Variants in SLC35D4 observed in about 807,000 individuals in gnomAD.
The protein encoded by SLC35D4 is solute carrier family 35 member D4.
the SLC35D4 span, among the ~76,000 whole-genome samples, chr18:23,271,642 C>T: frequency 1.3e-5 from 2 of 152,052 alleles, no homozygotes; most frequent in African/African-American, 4.8e-5. Flanking sequence ...TGAGGTGACT[C>T]TTGGTGGGTC....
the SLC35D4 span, among the ~76,000 whole-genome samples, chr18:23,268,125 G>A: frequency 6.6e-6 from 1 of 152,158 alleles, no homozygotes; most frequent in African/African-American, 2.4e-5. Context: ...ATAATTTGCA[G>A]GAAGTCTCTA....
the SLC35D4 span, among the ~76,000 whole-genome samples, chr18:23,270,747 G>A: frequency 3.3e-5 from 5 of 152,200 alleles, no homozygotes; most frequent in African/African-American, 7.2e-5. Flanking sequence ...CTACACAGCC[G>A]GCTCTGTGTA....
chr18:23,368,802 A>T, the SLC35D4 span: 1 of 1,149,860 alleles, frequency 8.7e-7, no homozygotes, highest in Non-Finnish European at 1.2e-6. Flanking sequence ...AACTATTTTA[A>T]ATACATAAAA....
chr18:23,385,965 A>C, the SLC35D4 span, among the ~76,000 whole-genome samples: 3 of 151,862 alleles, frequency 2.0e-5, no homozygotes, highest in Non-Finnish European at 4.4e-5. Context: ...TCCCGTCTCT[A>C]CTAAAAATAC....
chr18:23,290,956 G>A, the SLC35D4 span, among the ~76,000 whole-genome samples: 237 of 152,164 alleles, frequency 1.6e-3, 1 homozygote, highest in Non-Finnish European at 2.7e-3. Flanking sequence ...TTCTATTCCC[G>A]TGTTTGTTCC....
At chr18:23,275,593 AGTGCTGTGCT>A in the SLC35D4 span, among the ~76,000 whole-genome samples, 19,859 of 140,532 alleles carry the variant, frequency 0.14, 1,651 homozygotes, top group African/African-American at 0.22. Context: ...GGTCAGAAAG[AGTGCTGTGCT>A]GTGCTGTGCT....
the SLC35D4 span, among the ~76,000 whole-genome samples, chr18:23,265,789 ACT>A: frequency 2.6e-5 from 4 of 151,928 alleles, no homozygotes; most frequent in Middle Eastern, 6.8e-3. Flanking sequence ...TGGATGGCAC[ACT>A]CTGCCGGAAC....
the SLC35D4 span, among the ~76,000 whole-genome samples, chr18:23,274,081 C>T: frequency 6.6e-6 from 1 of 152,062 alleles, no homozygotes. Context: ...TACACAGGTG[C>T]ACGCCACCAC....
At chr18:23,320,648 C>T in the SLC35D4 span, among the ~76,000 whole-genome samples, 1 of 152,168 alleles carries the variant, frequency 6.6e-6, no homozygotes, top group Non-Finnish European at 1.5e-5. Flanking sequence ...TGAGCTCAAC[C>T]CAACCAGGGA....
the SLC35D4 span, chr18:23,331,498 G>C: frequency 6.6e-6 from 1 of 152,262 alleles, no homozygotes; most frequent in African/African-American, 2.4e-5. Context: ...CAACAAACAG[G>C]AGGGCAGGTT....
the SLC35D4 span, among the ~76,000 whole-genome samples, chr18:23,348,387 A>C: frequency 6.6e-6 from 1 of 152,192 alleles, no homozygotes; most frequent in Non-Finnish European, 1.5e-5. Flanking sequence ...GTACTTCTAT[A>C]TTCACGCTTT....
the SLC35D4 span, among the ~76,000 whole-genome samples, chr18:23,241,039 A>G: frequency 6.6e-6 from 1 of 152,096 alleles, no homozygotes; most frequent in African/African-American, 2.4e-5. Flanking sequence ...TCCCCATCCC[A>G]TTCTTCCCAT....
the SLC35D4 span, among the ~76,000 whole-genome samples, chr18:23,367,694 TA>T: frequency 6.6e-6 from 1 of 152,066 alleles, no homozygotes; most frequent in Non-Finnish European, 1.5e-5. Context: ...GAACTGCAAT[TA>T]ATCACCTCTA....
the SLC35D4 span, among the ~76,000 whole-genome samples, chr18:23,306,238 A>G: frequency 6.6e-6 from 1 of 151,668 alleles, no homozygotes; most frequent in Non-Finnish European, 1.5e-5. Flanking sequence ...AAAAAAGAAG[A>G]AGGAAGGGGA....
At chr18:23,274,634 T>C in the SLC35D4 span, among the ~76,000 whole-genome samples, 1 of 152,094 alleles carries the variant, frequency 6.6e-6, no homozygotes, top group Non-Finnish European at 1.5e-5. Context: ...ACTCCCATAG[T>C]CTCTGAGCCC....
At chr18:23,371,301 C>T in the SLC35D4 span, 1 of 731,828 alleles carries the variant, frequency 1.4e-6, no homozygotes, top group African/African-American at 1.8e-5. Flanking sequence ...CTCAAGGTTG[C>T]CCAGGCTGGT....
the SLC35D4 span, among the ~76,000 whole-genome samples, chr18:23,385,826 A>G: frequency 6.6e-6 from 1 of 152,080 alleles, no homozygotes; most frequent in Non-Finnish European, 1.5e-5. Context: ...TAGGGGCGCC[A>G]TAGGATGAAA....
the SLC35D4 span, among the ~76,000 whole-genome samples, chr18:23,284,479 A>C: frequency 6.6e-6 from 1 of 152,150 alleles, no homozygotes. Flanking sequence ...TCTACCTATG[A>C]CCTGTAAGTC....
At chr18:23,388,084 T>G in the SLC35D4 span, among the ~76,000 whole-genome samples, 3 of 152,166 alleles carry the variant, frequency 2.0e-5, no homozygotes, top group African/African-American at 7.2e-5. Context: ...TAAGACCTTA[T>G]GTAAATGTTT....
Sources: gnomAD v4.1 joint callset for allele counts (sites outside exome capture counted in the v4.1 genomes callset) on GRCh38, gnomAD v4.1.1 for gene constraint, MANE v1.5 for transcripts, NCBI Gene and HGNC (gene_info 2026-07-23, HGNC 2026-07-21) for gene names.